KDELR3: variants seen among roughly 807,000 people sequenced by gnomAD.
KDELR3 encodes KDEL endoplasmic reticulum protein retention receptor 3, also known as ER lumen protein-retaining receptor 3.
A neutral mutation model predicts 22.7 loss-of-function variants in KDELR3; 26 were observed. That is an observed-to-expected ratio of 1.15 (90% confidence interval 0.84 to 1.59). The LOEUF (loss-of-function observed/expected upper bound fraction) is 1.59, where lower values mean the gene tolerates loss of function less well. Among genes scored for constraint, KDELR3 ranks in the 40% most tolerant of loss-of-function variants. The probability of loss-of-function intolerance (pLI) is 0.00; values close to 1 mark genes in which losing one functional copy is unlikely to be tolerated. For missense variants in KDELR3, 289 were observed against 251.1 expected (o/e 1.15, Z -1.02); for synonymous variants, 120 against 98.2 (o/e 1.22, Z -1.31).
chr22:38,479,663 G>C lies in KDELR3; in HGVS notation c.263G>C (p.Ser88Thr). ...IYGKFRKTFDSENDTFRLEFL... is the reference protein window; with the variant it reads ...IYGKFRKTFDTENDTFRLEFL... Reference sequence around the variant, plus strand: ...GGGAAATTCCGTAAAACTTTTGACAGTGAGAATGACACATTCCGCCTGGAG... The same window carrying C: ...GGGAAATTCCGTAAAACTTTTGACACTGAGAATGACACATTCCGCCTGGAG... The change falls in exon 3 of 5, where the codon AGT becomes ACT. Residue 88 changes from serine (S) to threonine (T), a missense_variant. Transcript: ENST00000216014. 1 of 1,614,028 alleles carries C rather than the reference G, an allele frequency of 6.2e-7. No homozygotes were observed.
chr22:38,468,439 G>T (rs957134562), intron 1 of KDELR3, 115 bp downstream of exon 1: 4 of 797,702 alleles, frequency 5.0e-6, no homozygotes, highest in Non-Finnish European at 2.1e-6. Flanking sequence ...CGGCGTGGGG[G>T]TCCTTGAAAC....
intron 1 of KDELR3, among the ~76,000 whole-genome samples, chr22:38,470,244 C>G (rs1365928743): frequency 1.3e-5 from 2 of 151,850 alleles, no homozygotes; most frequent in African/African-American, 4.8e-5. Flanking sequence ...CTGCTTCAGC[C>G]TTCCAAGTAG....
At position 38,479,613 on chromosome 22, in the gene KDELR3, CTA is replaced by C. The variant is rs781490519; in HGVS notation, c.215_216del (p.Tyr72CysfsTer12). The C allele has an allele frequency of 3.1e-6, 5 of 1,613,758 alleles. No individual in the cohort carries two copies. The highest frequency in any genetic ancestry group is 3.3e-5 in the Admixed American group (2 of 59,996). On this transcript the variant is annotated frameshift_variant, in exon 3 of 5. Coordinates refer to ENST00000216014, the MANE Select transcript of KDELR3 (RefSeq NM_006855.4). LOFTEE classifies it high-confidence loss of function. Reference sequence around the variant, plus strand: ...TTTAGGTGGTTTTTCTCCTCTGTGCCTATGTTACAGTGTACATGATATATGGG... The same window carrying C: ...TTTAGGTGGTTTTTCTCCTCTGTGCCTGTTACAGTGTACATGATATATGGG... ...VMKVVFLLCAYVTVYMIYGKF... is the reference protein window; with the variant it reads ...VMKVVFLLCAXVTVYMIYGKF...
chr22:38,477,149 GT>G (rs2089565643), intron 2 of KDELR3, among the ~76,000 whole-genome samples: 1 of 147,556 alleles, frequency 6.8e-6, no homozygotes, highest in Non-Finnish European at 1.5e-5. Context: ...TCCTGACCTC[GT>G]GATCTGCCCA....
At chr22:38,472,986 C>T (rs1229300973) in intron 1 of KDELR3, among the ~76,000 whole-genome samples, 1 of 152,146 alleles carries the variant, frequency 6.6e-6, no homozygotes, top group African/African-American at 2.4e-5. Context: ...AGGCATGAGC[C>T]ACCGCCCCCG....
At chr22:38,478,886 G>A (rs1364492801) in intron 2 of KDELR3, among the ~76,000 whole-genome samples, 2 of 151,692 alleles carry the variant, frequency 1.3e-5, no homozygotes, top group African/African-American at 2.4e-5. Context: ...CAGGTGATCT[G>A]CCCACCTTGG....
At chr22:38,481,088 T>A in intron 3 of KDELR3, 124 bp from the exon 4 acceptor site, 1 of 813,930 alleles carries the variant, frequency 1.2e-6, no homozygotes, top group Non-Finnish European at 2.0e-6. Flanking sequence ...ATAATTTTTA[T>A]TGAGAACTTT....
At chr22:38,474,388 G>C in intron 1 of KDELR3, 135 bp from the exon 2 acceptor site, 1 of 638,756 alleles carries the variant, frequency 1.6e-6, no homozygotes, top group Non-Finnish European at 2.8e-6. Context: ...GGGAGCGACA[G>C]TGCCCTGGAC....
At chr22:38,481,777 G>A in intron 4 of KDELR3, 1 of 664,572 alleles carries the variant, frequency 1.5e-6, no homozygotes, top group Non-Finnish European at 2.3e-6. Context: ...TGGACAAAAA[G>A]CCTAGTGGGG....
intron 2 of KDELR3, among the ~76,000 whole-genome samples, chr22:38,476,626 G>A (rs2089560255): frequency 6.6e-6 from 1 of 152,020 alleles, no homozygotes; most frequent in Admixed American, 6.6e-5. Context: ...CTGGATTCAA[G>A]CAATTCTCCT....
chr22:38,468,133 G>T lies in KDELR3; in HGVS notation c.-101G>T. Reference sequence around the variant, plus strand: ...CTGTGAGGCGCAGGCAGGGCTCTGGGGCACCTAGAGACCGGGGCCGGAGAC... The same window carrying T: ...CTGTGAGGCGCAGGCAGGGCTCTGGTGCACCTAGAGACCGGGGCCGGAGAC... On this transcript the variant is annotated 5_prime_UTR_variant, in exon 1 of 5. Coordinates refer to ENST00000216014, the MANE Select transcript of KDELR3 (RefSeq NM_006855.4). 2.0e-6 allele frequency: 2 copies of T among 995,386 alleles called. No individual in the cohort carries two copies. The highest frequency in any genetic ancestry group is 3.1e-6 in the Non-Finnish European group (2 of 642,162). 61.7% of individuals were successfully genotyped at this position (995,386 alleles called of 1,614,324 possible). A position where few individuals can be genotyped will look rare whatever the true frequency, so the allele number is the denominator to read the frequency against.
At chr22:38,469,056 A>T (rs2089507167) in intron 1 of KDELR3, among the ~76,000 whole-genome samples, 1 of 152,258 alleles carries the variant, frequency 6.6e-6, no homozygotes, top group African/African-American at 2.4e-5. Context: ...GTGCAGAGGC[A>T]GGAGTGAGCT....
intron 3 of KDELR3, among the ~76,000 whole-genome samples, chr22:38,480,122 C>G (rs2145969999): frequency 6.6e-6 from 1 of 152,262 alleles, no homozygotes; most frequent in South Asian, 2.1e-4. Flanking sequence ...GATTCTGATG[C>G]TGGTGTTTAT....
intron 1 of KDELR3, 95 bp from the exon 2 acceptor site, chr22:38,474,428 T>TAG: frequency 1.0e-6 from 1 of 963,790 alleles, no homozygotes; most frequent in Non-Finnish European, 1.6e-6. Context: ...GTGGACACTC[T>TAG]AGAGGCCTCC....
At chr22:38,476,821 GCCC>G (rs796304280) in intron 2 of KDELR3, among the ~76,000 whole-genome samples, 17 of 147,782 alleles carry the variant, frequency 1.2e-4, no homozygotes, top group South Asian at 6.4e-4. Flanking sequence ...ACCACACCTG[GCCC>G]CCCCTTTTTT....
At chr22:38,475,076 T>G in intron 2 of KDELR3, among the ~76,000 whole-genome samples, 1 of 94,636 alleles carries the variant, frequency 1.1e-5, no homozygotes, top group Non-Finnish European at 1.9e-5. Context: ...TGAGACTCTG[T>G]CTCAAAAAAA....
chr22:38,471,248 GA>G (rs1371780150), intron 1 of KDELR3, among the ~76,000 whole-genome samples: 1 of 152,208 alleles, frequency 6.6e-6, no homozygotes, highest in Non-Finnish European at 1.5e-5. Context: ...AGGATGAAGA[GA>G]AAAGAGGGGT....
chr22:38,470,321 G>A (rs1044292383), intron 1 of KDELR3, among the ~76,000 whole-genome samples: 1 of 152,044 alleles, frequency 6.6e-6, no homozygotes, highest in African/African-American at 2.4e-5. Flanking sequence ...ACGGGGTTTC[G>A]CCATATTGGC....
intron 2 of KDELR3, among the ~76,000 whole-genome samples, chr22:38,478,143 AG>A (rs1349113350): frequency 6.6e-6 from 1 of 152,094 alleles, no homozygotes; most frequent in Non-Finnish European, 1.5e-5. Context: ...AGTGAAAAAA[AG>A]ACTGCTTCGA....
Sources: gnomAD v4.1 joint callset for allele counts (sites outside exome capture counted in the v4.1 genomes callset) on GRCh38, gnomAD v4.1.1 for gene constraint, MANE v1.5 for transcripts, NCBI Gene and HGNC (gene_info 2026-07-23, HGNC 2026-07-21) for gene names.